The following MCF2L variants were observed in gnomAD, a reference collection of about 807,000 sequenced individuals.
The protein encoded by MCF2L is guanine nucleotide exchange factor DBS.
In MCF2L, 97 loss-of-function variants were observed where a neutral mutation model predicts 153.4. That is an observed-to-expected ratio of 0.63 (90% CI 0.54 to 0.75). MCF2L has a LOEUF of 0.75. Among genes scored for constraint, MCF2L ranks in the 30% least tolerant of loss-of-function variants. The pLI is 0.00. For synonymous variants in MCF2L, 659 were observed against 632.2 expected, an observed-to-expected ratio of 1.04 and a Z score of -0.64; for missense variants, 1,347 against 1,495.2, an observed-to-expected ratio of 0.90 and a Z score of 1.64.
chr13:112,958,051 T>G (rs2081779870), intron 2 of MCF2L: 1 of 152,378 alleles, frequency 6.6e-6, no homozygotes, highest in African/African-American at 2.4e-5. Context: ...CCTGGGACGT[T>G]CCCCAGCTGT....
At chr13:112,896,111 C>T (rs1012086685) in intron 1 of MCF2L, among the ~76,000 whole-genome samples, 1 of 152,222 alleles carries the variant, frequency 6.6e-6, no homozygotes, top group Non-Finnish European at 1.5e-5. Context: ...GGCACCACCT[C>T]CCCCATCACT....
chr13:112,934,895 A>G (rs1442055695), intron 2 of MCF2L, among the ~76,000 whole-genome samples: 40 of 152,234 alleles, frequency 2.6e-4, no homozygotes, highest in Admixed American at 2.5e-3. Flanking sequence ...TAATGGAGTC[A>G]TTCGAGGCTT....
rs140906422 is a variant in MCF2L, at chr13:113,035,592, G to A, written c.279-9679G>A. Among the ~76,000 whole-genome samples the A allele has an allele frequency of 4.0e-3, 610 of 152,292 alleles. 3 individuals are homozygous for A. Among genetic ancestry groups the A allele is most frequent in the African/African-American group, 0.014 (577 of 41,562 alleles). ...TGCCTTTTTCTTCCATGAGGATGCG[G>A]TTCCCGTGTCCCCCAGGACAGCTTC... On this transcript the variant is annotated intron_variant, in intron 3 of 29. Transcript: ENST00000535094. This position sits in a 1 kb window ranked among gnomAD's most constrained non-coding sequence, Gnocchi z 4.4.
Position 113,064,638 on chromosome 13 carries a change from C to CCAAA in MCF2L, c.606+218_606+219insCAAA. 4.3e-6 allele frequency: 2 copies of CCAAA among 464,464 alleles called. No individual in the cohort carries two copies. Among genetic ancestry groups the CCAAA allele is most frequent in the Admixed American group, 3.9e-5 (1 of 25,878 alleles). The allele number at this position is 464,464 out of a possible 1,614,324, so 28.8% of individuals were successfully genotyped here. ...AGTGGCTTTCTCTGGGCTTGGAGAC[C>CCAAA]AAAAAAAAAAAAAAAACCCTTGCGT... On this transcript the variant is annotated intron_variant, in intron 6 of 29. Transcript: ENST00000535094. The surrounding 1 kb of genome is among the most constrained non-coding windows in gnomAD (Gnocchi z 6.0).
At chr13:113,073,723 T>C (rs1304825635) in intron 9 of MCF2L, among the ~76,000 whole-genome samples, 1 of 152,180 alleles carries the variant, frequency 6.6e-6, no homozygotes, top group Admixed American at 6.5e-5. Flanking sequence ...AAGACCAACC[T>C]GGCCAACATG....
chr13:113,015,467 A>T (rs2084447624), intron 2 of MCF2L, among the ~76,000 whole-genome samples: 1 of 152,004 alleles, frequency 6.6e-6, no homozygotes, highest in Non-Finnish European at 1.5e-5. Context: ...GGGTGCCCCG[A>T]TGCCGAGGAG....
At chr13:113,024,599 G>A (rs1469526296) in intron 2 of MCF2L, 45 bp from the exon 3 acceptor site, 1 of 1,326,650 alleles carries the variant, frequency 7.5e-7, no homozygotes, top group Non-Finnish European at 1.1e-6. Context: ...AACCCCCGGG[G>A]GCATGGAGCC....
rs372263942 is a variant in MCF2L, at chr13:113,075,132, C to G, written c.1251C>G (p.Ile417Met). The change falls in exon 11 of 30, where the codon ATC (isoleucine) becomes ATG (methionine). Residue 417 changes from isoleucine to methionine, a missense_variant. By Grantham distance (10) the Ile-to-Met change is conservative (BLOSUM62 1). Transcript: ENST00000535094. The stretch of plus-strand genomic sequence containing the variant: ...TCTGTGACCAGTTCTCTGCGGAGAT[C>G]GCAAGGAGGAGGGGGCTGCTCAGCA... Reference protein sequence around the residue: ...RHLCDQFSAEIARRRGLLSKS... With the variant: ...RHLCDQFSAEMARRRGLLSKS... 6 of 1,612,894 alleles carry G rather than the reference C, an allele frequency of 3.7e-6. No homozygotes were observed. The highest frequency in any genetic ancestry group is 5.1e-6 in the Non-Finnish European group (6 of 1,179,790).
In MCF2L at chr13:112,932,231, G is replaced by A. The variant is rs1296346290; in HGVS notation, c.169+29860G>A. ...TGTAGACTCGTGCCCTGGGTAAGGC[G>A]TGACCGGGATGGCACTTTACCTCTG... is the stretch of plus-strand genomic sequence containing the variant. On this transcript the variant is annotated intron_variant, in intron 2 of 29. Transcript: ENST00000375608. The surrounding 1 kb of genome is among the most constrained non-coding windows in gnomAD (Gnocchi z 4.6). Among the ~76,000 whole-genome samples, 1 of 149,856 alleles carries A rather than the reference G, an allele frequency of 6.7e-6. No homozygotes were observed. The highest frequency in any genetic ancestry group is 1.5e-5 in the Non-Finnish European group (1 of 67,320).
At chr13:112,992,567 G>C (rs558354892) in intron 1 of MCF2L, among the ~76,000 whole-genome samples, 1 of 152,358 alleles carries the variant, frequency 6.6e-6, no homozygotes, top group South Asian at 2.1e-4. Flanking sequence ...TTCCTTGGGA[G>C]TGGATTAGGG....
At chr13:113,052,100 C>T (rs942063897) in intron 4 of MCF2L, among the ~76,000 whole-genome samples, 22 of 152,182 alleles carry the variant, frequency 1.4e-4, no homozygotes, top group Admixed American at 1.4e-3. Context: ...GGTGAGGTGA[C>T]AGATCGGTTA....
chr13:112,984,636 C>G (rs1036694752), intron 1 of MCF2L, among the ~76,000 whole-genome samples: 1 of 152,146 alleles, frequency 6.6e-6, no homozygotes, highest in African/African-American at 2.4e-5. Flanking sequence ...TTTGAGGCAC[C>G]CAGGGTGAGT....
In MCF2L at chr13:112,960,459, T is replaced by A. The variant is rs1434386836; in HGVS notation, c.170-54304T>A. Among the ~76,000 whole-genome samples, 1 of 152,134 alleles carries A rather than the reference T, an allele frequency of 6.6e-6. No homozygotes were observed. Among genetic ancestry groups the A allele is most frequent in the Non-Finnish European group, 1.5e-5 (1 of 68,028 alleles). ...CATTAAACCCCAGCAGACTGCCTTGTCCCCTGCTCATTTTGGTTGTTGCAT... is the reference window on the plus strand; with the variant it reads ...CATTAAACCCCAGCAGACTGCCTTGACCCCTGCTCATTTTGGTTGTTGCAT... On this transcript the variant is annotated intron_variant, in intron 2 of 29. Transcript: ENST00000375608. The surrounding 1 kb of genome is among the most constrained non-coding windows in gnomAD (Gnocchi z 4.2).
intron 2 of MCF2L, among the ~76,000 whole-genome samples, chr13:112,906,519 G>A (rs148805648): frequency 1.3e-5 from 2 of 152,352 alleles, no homozygotes; most frequent in African/African-American, 4.8e-5. Flanking sequence ...AGTTCCATGG[G>A]GTGCGTGTGG....
In MCF2L at chr13:112,943,593, C is replaced by A. The variant is rs776002410; in HGVS notation, c.169+41222C>A. ...TCCGCGCCTTTCAAGGAGGAGGCCC[C>A]GTGCAGGCGCCCAGGCGCAGAGGAG... is the stretch of plus-strand genomic sequence containing the variant. On this transcript the variant is annotated intron_variant, in intron 2 of 29. Coordinates refer to the MCF2L transcript ENST00000375608. The surrounding 1 kb of genome is among the most constrained non-coding windows in gnomAD (Gnocchi z 4.2). Among the ~76,000 whole-genome samples, 2 of 152,076 alleles carry A rather than the reference C, an allele frequency of 1.3e-5. No individual in the cohort carries two copies. The highest frequency in any genetic ancestry group is 2.9e-5 in the Non-Finnish European group (2 of 67,990).
chr13:113,078,399 G>T lies in MCF2L; in HGVS notation c.1697G>T (p.Gly566Val). 4 of 1,613,192 alleles carry T rather than the reference G, an allele frequency of 2.5e-6. No individual in the cohort carries two copies. Among genetic ancestry groups the T allele is most frequent in the Non-Finnish European group, 3.4e-6 (4 of 1,179,928 alleles). ...GGCTCTGAGAACTCCAGCTCCGAGG[G>T]CGGTGCGCTCCGGAGAGGGCCCTAC... Reference protein sequence around the residue: ...RRGSENSSSEGGALRRGPYRR... With the variant: ...RRGSENSSSEVGALRRGPYRR... The change falls in exon 14 of 30, where the codon GGC becomes GTC. Residue 566 changes from glycine to valine, a missense_variant. Transcript: ENST00000535094.
chr13:112,912,570 G>C (rs2081243973), intron 2 of MCF2L, among the ~76,000 whole-genome samples: 1 of 152,168 alleles, frequency 6.6e-6, no homozygotes, highest in Non-Finnish European at 1.5e-5. Flanking sequence ...ACCCGCCTTG[G>C]CCTCCCAAAG....
intron 1 of MCF2L, chr13:112,985,418 G>A (rs375303927): frequency 2.7e-4 from 125 of 471,078 alleles, no homozygotes; most frequent in South Asian, 1.6e-3. Flanking sequence ...TTTCCGTGGC[G>A]GAAATGAAAA....
At chr13:113,011,665 G>A (rs1231453351) in intron 1 of MCF2L, among the ~76,000 whole-genome samples, 5 of 105,202 alleles carry the variant, frequency 4.8e-5, no homozygotes, top group Non-Finnish European at 1.1e-4. Flanking sequence ...GGTGGACACT[G>A]TGATGCAGAC....
Sources: allele counts gnomAD v4.1 joint callset (sites outside exome capture counted in the v4.1 genomes callset), GRCh38; gene constraint gnomAD v4.1.1; non-coding constraint Gnocchi (gnomAD v3.1); transcripts MANE v1.5; gene names NCBI Gene and HGNC (gene_info 2026-07-23, HGNC 2026-07-21).